SERGEF: variants seen among roughly 807,000 people sequenced by gnomAD.
SERGEF encodes secretion regulating guanine nucleotide exchange factor, also known as secretion-regulating guanine nucleotide exchange factor.
A neutral mutation model predicts 50.0 loss-of-function variants in SERGEF; 51 were observed. The observed-to-expected ratio is 1.02, with a 90% CI of 0.81 to 1.29. The LOEUF is 1.29. Among genes scored for constraint, SERGEF ranks in the 50% most tolerant of loss-of-function variants. The probability of loss-of-function intolerance (pLI) is 0.00; values close to 1 mark genes in which losing one functional copy is unlikely to be tolerated. For missense variants in SERGEF, 521 were observed against 557.0 expected (o/e 0.94, Z 0.65); for synonymous variants, 205 against 212.4 (o/e 0.97, Z 0.30).
At chr11:17,921,915 A>G (rs1852163813) in intron 9 of SERGEF, among the ~76,000 whole-genome samples, 1 of 152,168 alleles carries the variant, frequency 6.6e-6, no homozygotes, top group Admixed American at 6.5e-5. Context: ...TAAAGTGACT[A>G]AATGCACTGA....
In SERGEF at chr11:17,832,426, T is replaced by C. The variant is rs571769566; in HGVS notation, c.1049-44013A>G. On this transcript the variant is annotated intron_variant, in intron 10 of 10. Coordinates refer to ENST00000265965, the MANE Select transcript of SERGEF (RefSeq NM_012139.4). Reference sequence around the variant, plus strand: ...GGAACTGTAAGTCCAATTTAACCTCTTTCTTTGGTAAACTGCTCAGTTTCA... The same window carrying C: ...GGAACTGTAAGTCCAATTTAACCTCCTTCTTTGGTAAACTGCTCAGTTTCA... 9.8e-5 allele frequency among the ~76,000 whole-genome samples: 15 copies of C among 152,334 alleles called. No homozygotes were observed. In the South Asian group the frequency reaches 2.5e-3, roughly 25 times the overall value.
Position 17,991,578 on chromosome 11 carries a change from T to G in SERGEF, c.685+1353A>C, listed in dbSNP as rs1328706450. Among the ~76,000 whole-genome samples the G allele has an allele frequency of 6.6e-6, 1 of 152,244 alleles. No individual in the cohort carries two copies. Among genetic ancestry groups the G allele is most frequent in the East Asian group, 1.9e-4 (1 of 5,202 alleles). Reference sequence around the variant, plus strand: ...ACTGGATACCCACTGGAGTCCCTTATAGTTGGCATTCATTTCAACTCAACA... The same window carrying G: ...ACTGGATACCCACTGGAGTCCCTTAGAGTTGGCATTCATTTCAACTCAACA... On this transcript the variant is annotated intron_variant, in intron 7 of 10. Coordinates refer to ENST00000265965, the MANE Select transcript of SERGEF (RefSeq NM_012139.4). The surrounding 1 kb of genome is among the most constrained non-coding windows in gnomAD (Gnocchi z 4.9).
At chr11:18,005,092 C>G (rs952036490) in intron 3 of SERGEF, among the ~76,000 whole-genome samples, 1 of 152,330 alleles carries the variant, frequency 6.6e-6, no homozygotes, top group South Asian at 2.1e-4. Flanking sequence ...ATAATTAATA[C>G]TGTCCTCCAA....
At chr11:17,923,385 G>A (rs931884800) in intron 9 of SERGEF, among the ~76,000 whole-genome samples, 1 of 152,182 alleles carries the variant, frequency 6.6e-6, no homozygotes, top group Admixed American at 6.5e-5. Context: ...CCTGGGACAT[G>A]TTCTTAGAAG....
At chr11:17,997,767 C>A (rs1020644312) in intron 5 of SERGEF, among the ~76,000 whole-genome samples, 1 of 152,072 alleles carries the variant, frequency 6.6e-6, no homozygotes, top group African/African-American at 2.4e-5. Flanking sequence ...GTGAAATATA[C>A]GCCAGTCACA....
Position 17,888,680 on chromosome 11 carries a change from C to CACA in SERGEF, c.1012-10437_1012-10436insTGT, listed in dbSNP as rs1851479227. Among the ~76,000 whole-genome samples the CACA allele has an allele frequency of 7.0e-6, 1 of 143,342 alleles. No homozygotes were observed. The highest frequency in any genetic ancestry group is 2.7e-5 in the African/African-American group (1 of 37,148). 94.0% of individuals were successfully genotyped at this position (143,342 alleles called of 152,430 possible). ...ACACACACACACACACACACACACG[C>CACA]ATTGAGTTAAACCAACATGAAATTG... On this transcript the variant is annotated intron_variant, in intron 9 of 10. Coordinates refer to ENST00000265965, the MANE Select transcript of SERGEF (RefSeq NM_012139.4). The surrounding 1 kb of genome is among the most constrained non-coding windows in gnomAD (Gnocchi z 4.1).
Position 18,006,765 on chromosome 11 carries a change from T to A in SERGEF, c.197-19A>T, listed in dbSNP as rs772066126. 7.4e-6 allele frequency: 12 copies of A among 1,613,434 alleles called. 1 individual carries two copies. The African/African-American group carries it at 1.6e-4, about 22-fold the overall frequency. On this transcript the variant is annotated intron_variant, in intron 2 of 10. Coordinates refer to ENST00000265965, the MANE Select transcript of SERGEF (RefSeq NM_012139.4). Reference sequence around the variant, plus strand: ...CCTCCATCTGCAAAATATAAAGGCATCAGTGATAGCGTGCACAGGAAAAAA... The same window carrying A: ...CCTCCATCTGCAAAATATAAAGGCAACAGTGATAGCGTGCACAGGAAAAAA...
intron 9 of SERGEF, among the ~76,000 whole-genome samples, chr11:17,915,681 A>C (rs772350570): frequency 1.3e-5 from 2 of 152,192 alleles, no homozygotes; most frequent in Non-Finnish European, 2.9e-5. Context: ...TTTCACAGAC[A>C]ATCTCACCCT....
intron 10 of SERGEF, among the ~76,000 whole-genome samples, chr11:17,798,007 G>C (rs1849600500): frequency 6.6e-6 from 1 of 152,174 alleles, no homozygotes; most frequent in South Asian, 2.1e-4. Context: ...TGGTGTGTGT[G>C]GATATGGAAG....
At chr11:17,894,572 C>A (rs182940511) in intron 9 of SERGEF, among the ~76,000 whole-genome samples, 2 of 152,138 alleles carry the variant, frequency 1.3e-5, no homozygotes, top group African/African-American at 2.4e-5. Flanking sequence ...TTCTTAATCA[C>A]GCGGGATATA....
At chr11:17,998,528 ATGTG>A (rs71047568) in intron 5 of SERGEF, among the ~76,000 whole-genome samples, 18 of 126,154 alleles carry the variant, frequency 1.4e-4, no homozygotes, top group African/African-American at 3.7e-4. Context: ...ATATGTTTAT[ATGTG>A]TGTGTGTGTG....
At chr11:17,920,320 CT>C (rs1306465359) in intron 9 of SERGEF, among the ~76,000 whole-genome samples, 1 of 152,144 alleles carries the variant, frequency 6.6e-6, no homozygotes, top group Non-Finnish European at 1.5e-5. Flanking sequence ...CCTGCTCTCA[CT>C]TTTTTCTTCT....
intron 8 of SERGEF, among the ~76,000 whole-genome samples, chr11:17,976,855 G>A (rs974307757): frequency 2.6e-5 from 4 of 152,212 alleles, no homozygotes; most frequent in African/African-American, 9.6e-5. Flanking sequence ...AGCATGGCTG[G>A]TCACCCCACT....
At chr11:17,952,944 C>T (rs897399920) in intron 9 of SERGEF, among the ~76,000 whole-genome samples, 15 of 152,130 alleles carry the variant, frequency 9.9e-5, no homozygotes, top group Non-Finnish European at 1.6e-4. Flanking sequence ...GCTGCTCTTC[C>T]TCTGCTTTCC....
intron 8 of SERGEF, among the ~76,000 whole-genome samples, chr11:17,974,158 A>G (rs1056852981): frequency 3.3e-5 from 5 of 152,142 alleles, no homozygotes; most frequent in African/African-American, 1.2e-4. Context: ...TCCCTTCCAC[A>G]TCTACTAATC....
At chr11:17,984,172 G>C (rs1416630291) in intron 8 of SERGEF, among the ~76,000 whole-genome samples, 2 of 152,030 alleles carry the variant, frequency 1.3e-5, no homozygotes, top group African/African-American at 4.8e-5. Flanking sequence ...GGAGAGGGAG[G>C]ATATTAGTCA....
At chr11:17,814,195 G>A (rs1849925293) in intron 10 of SERGEF, among the ~76,000 whole-genome samples, 1 of 151,696 alleles carries the variant, frequency 6.6e-6, no homozygotes, top group Non-Finnish European at 1.5e-5. Flanking sequence ...TTCTGTAAAG[G>A]TATTTTTTAG....
intron 10 of SERGEF, among the ~76,000 whole-genome samples, chr11:17,839,702 G>A (rs553111471): frequency 3.3e-5 from 5 of 152,230 alleles, no homozygotes; most frequent in Admixed American, 2.0e-4. Context: ...CCATCCACGC[G>A]CACATGCCAC....
intron 9 of SERGEF, among the ~76,000 whole-genome samples, chr11:17,882,355 G>A (rs562710173): frequency 1.4e-5 from 2 of 147,720 alleles, no homozygotes; most frequent in Non-Finnish European, 3.0e-5. Context: ...GGAGGTGGAG[G>A]TTGCAGTGAG....
Sources: allele counts gnomAD v4.1 joint callset (sites outside exome capture counted in the v4.1 genomes callset), GRCh38; gene constraint gnomAD v4.1.1; non-coding constraint Gnocchi (gnomAD v3.1); transcripts MANE v1.5; gene names NCBI Gene and HGNC (gene_info 2026-07-23, HGNC 2026-07-21).